Variants in MAGI2 observed in about 807,000 individuals in gnomAD.
MAGI2 encodes the protein membrane associated guanylate kinase, WW and PDZ domain containing 2, also known as membrane-associated guanylate kinase, WW and PDZ domain-containing protein 2.
Under a neutral mutation model 133.3 loss-of-function variants are expected in MAGI2, and 35 were observed. The observed-to-expected ratio is 0.26, with a 90% CI of 0.20 to 0.35. The LOEUF is 0.35. MAGI2 is among the 10% of genes least tolerant of loss of function. MAGI2 has a pLI of 1.00. For missense variants in MAGI2, 1,636 were observed against 1,863.4 expected (o/e 0.88, Z 2.25); for synonymous variants, 729 against 710.6 (o/e 1.03, Z -0.41).
chr7:78,531,168 G>A (rs73141144), intron 3 of MAGI2, among the ~76,000 whole-genome samples: 8,739 of 151,230 alleles, frequency 0.058, 450 homozygotes, highest in African/African-American at 0.13. Context: ...CTATCTTTTT[G>A]AATGGAAACC....
At chr7:78,606,700 T>A (rs914844509) in intron 3 of MAGI2, among the ~76,000 whole-genome samples, 1 of 152,222 alleles carries the variant, frequency 6.6e-6, no homozygotes, top group African/African-American at 2.4e-5. Flanking sequence ...TGACAAAGAA[T>A]CAGGTTTATA....
At chr7:78,031,411 A>G (rs898942248) in intron 21 of MAGI2, among the ~76,000 whole-genome samples, 1 of 152,218 alleles carries the variant, frequency 6.6e-6, no homozygotes, top group Non-Finnish European at 1.5e-5. Flanking sequence ...AAGTATTTTT[A>G]AACCTGGGTG....
chr7:78,580,264 A>G (rs1802698699), intron 3 of MAGI2, among the ~76,000 whole-genome samples: 1 of 152,220 alleles, frequency 6.6e-6, no homozygotes, highest in Non-Finnish European at 1.5e-5. Flanking sequence ...CAATATTATC[A>G]TGTACCCATT....
At chr7:78,649,464 G>A (rs1024535470) in intron 2 of MAGI2, among the ~76,000 whole-genome samples, 2 of 151,926 alleles carry the variant, frequency 1.3e-5, no homozygotes, top group Non-Finnish European at 2.9e-5. Flanking sequence ...GGCTGAGTTT[G>A]GCATGTGGAG....
chr7:79,051,367 C>T (rs1032086595), intron 1 of MAGI2, among the ~76,000 whole-genome samples: 22 of 152,324 alleles, frequency 1.4e-4, no homozygotes, highest in Non-Finnish European at 3.1e-4. Flanking sequence ...TGTTTAACTA[C>T]TGATGTGCTC....
chr7:79,256,486 C>CTT (rs11303181), intron 1 of MAGI2, among the ~76,000 whole-genome samples: 834 of 82,762 alleles, frequency 0.01, 17 homozygotes, highest in East Asian at 0.038. Flanking sequence ...CTCTCTCTCT[C>CTT]TTTTTTTTTT....
chr7:78,967,380 A>AT (rs1466769163), intron 2 of MAGI2, among the ~76,000 whole-genome samples: 16 of 151,742 alleles, frequency 1.1e-4, no homozygotes, highest in African/African-American at 3.9e-4. Context: ...GCTTGCATGC[A>AT]TTTTCTCTCA....
chr7:79,391,228 T>C (rs963794573), intron 1 of MAGI2, among the ~76,000 whole-genome samples: 2 of 152,000 alleles, frequency 1.3e-5, no homozygotes, highest in Non-Finnish European at 2.9e-5. Flanking sequence ...CAAGCTCTTT[T>C]TTGTACTTAG....
In MAGI2 at chr7:78,543,998, A is replaced by C. The variant is rs886195398; in HGVS notation, c.539-22353T>G. 2.0e-5 allele frequency among the ~76,000 whole-genome samples: 3 copies of C among 152,316 alleles called. No individual in the cohort carries two copies. In the South Asian group the frequency reaches 6.2e-4, roughly 32 times the overall value. On this transcript the variant is annotated intron_variant, in intron 3 of 21. Coordinates refer to ENST00000354212, the MANE Select transcript of MAGI2 (RefSeq NM_012301.4). ...ATTCTCTTACATTCATGCCATAAAC[A>C]ACCAATAACCCAAGTGTGACTATGA... is the stretch of plus-strand genomic sequence containing the variant.
rs117109825 is a variant in MAGI2 at position 78,804,306 on chromosome 7, G to A, written c.419-177067C>T. ...TCTTGCAATATAGAAACACATTAAC[G>A]GTGTCAAGAATAAGGGGGAAAAGTA... On this transcript the variant is annotated intron_variant, in intron 2 of 21. Transcript: ENST00000354212. Among the ~76,000 whole-genome samples the A allele has an allele frequency of 7.3e-4, 111 of 152,052 alleles. No homozygotes were observed. The East Asian group carries it at 0.018, about 24-fold the overall frequency.
intron 6 of MAGI2, among the ~76,000 whole-genome samples, chr7:78,388,380 T>C (rs1038327843): frequency 5.9e-5 from 9 of 152,130 alleles, no homozygotes; most frequent in Admixed American, 5.2e-4. Context: ...GATGAAGACA[T>C]TGGGTCCAAA....
intron 21 of MAGI2, among the ~76,000 whole-genome samples, chr7:78,074,174 G>A (rs1216543460): frequency 6.6e-6 from 1 of 152,120 alleles, no homozygotes; most frequent in Non-Finnish European, 1.5e-5. Context: ...GGCACCTGAC[G>A]TTTAGTCTTT....
chr7:79,097,689 A>G lies in MAGI2; in HGVS notation c.302-90483T>C, dbSNP rs184888511. Among the ~76,000 whole-genome samples the G allele has an allele frequency of 4.0e-3, 615 of 152,366 alleles. 1 individual carries two copies. Among genetic ancestry groups the G allele is most frequent in the Non-Finnish European group, 6.0e-3 (407 of 68,022 alleles). On this transcript the variant is annotated intron_variant, in intron 1 of 21. Coordinates refer to ENST00000354212, the MANE Select transcript of MAGI2 (RefSeq NM_012301.4). Reference sequence around the variant, plus strand: ...GAAAAACCTGCACCAGTAATCACTTAGTAAAAACTCTCAATTTCTAACTAG... The same window carrying G: ...GAAAAACCTGCACCAGTAATCACTTGGTAAAAACTCTCAATTTCTAACTAG...
At chr7:78,061,698 A>G (rs1813290164) in intron 21 of MAGI2, among the ~76,000 whole-genome samples, 1 of 152,210 alleles carries the variant, frequency 6.6e-6, no homozygotes, top group Non-Finnish European at 1.5e-5. Context: ...ACAGTGGGAC[A>G]GGTGGAACCA....
intron 1 of MAGI2, among the ~76,000 whole-genome samples, chr7:79,021,252 C>T (rs184698389): frequency 5.9e-5 from 9 of 152,340 alleles, no homozygotes; most frequent in African/African-American, 1.9e-4. Context: ...GGAGCCCCCA[C>T]ACAGAGTCTC....
intron 1 of MAGI2, among the ~76,000 whole-genome samples, chr7:79,427,750 G>A (rs537899433): frequency 9.2e-5 from 14 of 152,200 alleles, no homozygotes; most frequent in South Asian, 2.1e-4. Flanking sequence ...TGTGCAGTAC[G>A]GAAAAAAAGT....
intron 2 of MAGI2, among the ~76,000 whole-genome samples, chr7:78,964,760 T>G (rs1013777102): frequency 6.6e-5 from 10 of 151,994 alleles, no homozygotes; most frequent in African/African-American, 2.2e-4. Flanking sequence ...GTTACCAGCT[T>G]AGGAACAGAA....
At chr7:78,461,176 ATATT>A (rs1789945784) in intron 6 of MAGI2, among the ~76,000 whole-genome samples, 2 of 152,010 alleles carry the variant, frequency 1.3e-5, no homozygotes, top group Admixed American at 6.5e-5. Flanking sequence ...CATTCAATAT[ATATT>A]TGAGTGCCTA....
intron 1 of MAGI2, among the ~76,000 whole-genome samples, chr7:79,295,732 C>G (rs892932302): frequency 6.6e-6 from 1 of 151,878 alleles, no homozygotes; most frequent in African/African-American, 2.4e-5. Flanking sequence ...TTTTTTCACA[C>G]TCTTGTATCC....
Sources: allele counts gnomAD v4.1 joint callset (sites outside exome capture counted in the v4.1 genomes callset), GRCh38; gene constraint gnomAD v4.1.1; transcripts MANE v1.5; gene names NCBI Gene and HGNC (gene_info 2026-07-23, HGNC 2026-07-21).